ARHGAP32: variants seen among roughly 807,000 people sequenced by gnomAD.
ARHGAP32 encodes rho GTPase-activating protein 32.
In ARHGAP32, 51 loss-of-function variants were observed where a neutral mutation model predicts 186.5. That is an observed-to-expected ratio of 0.27 (90% CI 0.22 to 0.35). ARHGAP32 has a LOEUF of 0.35. Among genes scored for constraint, ARHGAP32 ranks in the 10% least tolerant of loss-of-function variants. The probability of loss-of-function intolerance (pLI) is 1.00; values close to 1 mark genes in which losing one functional copy is unlikely to be tolerated. For missense variants in ARHGAP32, 2,186 were observed against 2,623.5 expected (o/e 0.83, Z 3.64); for synonymous variants, 950 against 964.3 (o/e 0.99, Z 0.27).
At chr11:129,051,726 G>C (rs2135083006) in intron 10 of ARHGAP32, among the ~76,000 whole-genome samples, 1 of 152,192 alleles carries the variant, frequency 6.6e-6, no homozygotes, top group Non-Finnish European at 1.5e-5. Flanking sequence ...GGAGGCTGAG[G>C]CAGGCAGATC....
At chr11:129,034,698 T>C (rs1325435779) in intron 11 of ARHGAP32, among the ~76,000 whole-genome samples, 3 of 122,642 alleles carry the variant, frequency 2.4e-5, no homozygotes, top group Non-Finnish European at 4.9e-5. Context: ...AACTTGATGA[T>C]AGGACAACAG....
chr11:129,221,395 A>T (rs1322719318), intron 1 of ARHGAP32, among the ~76,000 whole-genome samples: 2 of 151,852 alleles, frequency 1.3e-5, no homozygotes, highest in African/African-American at 4.8e-5. Context: ...CTTCTAAAGG[A>T]AGGGGTGGGC....
chr11:129,153,129 C>T (rs535286972), intron 2 of ARHGAP32, among the ~76,000 whole-genome samples: 1 of 148,580 alleles, frequency 6.7e-6, no homozygotes, highest in African/African-American at 2.5e-5. Context: ...AACTCAATCC[C>T]TTTTACAACA....
chr11:129,182,080 A>G (rs1036454604), intron 1 of ARHGAP32, among the ~76,000 whole-genome samples: 6 of 152,162 alleles, frequency 3.9e-5, no homozygotes, highest in African/African-American at 1.4e-4. Flanking sequence ...GAGACTTTCC[A>G]TATCAATACA....
chr11:129,041,493 A>C (rs1224867307), intron 10 of ARHGAP32, among the ~76,000 whole-genome samples: 2 of 17,600 alleles, frequency 1.1e-4, no homozygotes, highest in Non-Finnish European at 7.1e-4. Flanking sequence ...CAGGTTTCAT[A>C]AAAAAAAAAA....
intron 2 of ARHGAP32, among the ~76,000 whole-genome samples, chr11:129,134,448 A>G (rs914418786): frequency 6.6e-6 from 1 of 152,240 alleles, no homozygotes; most frequent in African/African-American, 2.4e-5. Flanking sequence ...AAGAATTCAC[A>G]AACTCAGAAT....
At chr11:128,997,501 T>C (rs493912) in intron 12 of ARHGAP32, among the ~76,000 whole-genome samples, 97,740 of 152,002 alleles carry the variant, frequency 0.64, 31,747 homozygotes, top group Middle Eastern at 0.71. Flanking sequence ...TGGAATTTCA[T>C]AATCACCTAT....
chr11:129,266,689 C>A (rs1347178657), intron 1 of ARHGAP32, among the ~76,000 whole-genome samples: 1 of 152,154 alleles, frequency 6.6e-6, no homozygotes, highest in East Asian at 1.9e-4. Flanking sequence ...AACAGTACTG[C>A]TTAGACCTAA....
chr11:129,206,611 C>T (rs957998516), intron 1 of ARHGAP32, among the ~76,000 whole-genome samples: 1 of 152,082 alleles, frequency 6.6e-6, no homozygotes, highest in Admixed American at 6.6e-5. Flanking sequence ...TTAAAGTTTC[C>T]CCTTCCTCCA....
intron 1 of ARHGAP32, among the ~76,000 whole-genome samples, chr11:129,262,970 C>T (rs929946813): frequency 2.0e-5 from 3 of 152,108 alleles, no homozygotes; most frequent in African/African-American, 4.8e-5. Context: ...TGATTTTCTA[C>T]AGGAGTGTGA....
At chr11:129,109,737 T>C (rs1004189616) in intron 5 of ARHGAP32, among the ~76,000 whole-genome samples, 1 of 152,258 alleles carries the variant, frequency 6.6e-6, no homozygotes, top group African/African-American at 2.4e-5. Flanking sequence ...GAGAACTCTA[T>C]TCTTATCCTT....
chr11:129,202,277 C>T (rs1458493362), intron 1 of ARHGAP32, among the ~76,000 whole-genome samples: 21 of 151,996 alleles, frequency 1.4e-4, no homozygotes, highest in Admixed American at 1.4e-3. Flanking sequence ...AAGAAGTTAA[C>T]AGCATGAGTT....
At chr11:129,142,985 T>A (rs1215950678) in intron 2 of ARHGAP32, among the ~76,000 whole-genome samples, 1 of 147,432 alleles carries the variant, frequency 6.8e-6, no homozygotes, top group Non-Finnish European at 1.5e-5. Context: ...ATATCATTTC[T>A]GCTTAAAATA....
chr11:129,246,194 C>A (rs1945094918), intron 1 of ARHGAP32, among the ~76,000 whole-genome samples: 2 of 152,168 alleles, frequency 1.3e-5, no homozygotes, highest in Non-Finnish European at 2.9e-5. Context: ...AGATCAGAAA[C>A]TCATTTAAAG....
At chr11:129,254,088 A>G (rs1282413030) in intron 1 of ARHGAP32, among the ~76,000 whole-genome samples, 3 of 152,124 alleles carry the variant, frequency 2.0e-5, no homozygotes, top group Non-Finnish European at 4.4e-5. Flanking sequence ...ATAGCTTTAG[A>G]TGCCTAACTC....
chr11:129,025,086 T>A (rs754900625), intron 11 of ARHGAP32, among the ~76,000 whole-genome samples: 63 of 152,210 alleles, frequency 4.1e-4, no homozygotes, highest in Non-Finnish European at 8.4e-4. Context: ...TACAAAATAA[T>A]GTTATAGCAC....
chr11:129,067,340 T>A (rs887096280), intron 6 of ARHGAP32, among the ~76,000 whole-genome samples: 3 of 152,126 alleles, frequency 2.0e-5, no homozygotes, highest in African/African-American at 7.2e-5. Flanking sequence ...TTGATATTCA[T>A]ACAGCATCTA....
chr11:129,058,176 GAA>G (rs150926865), intron 10 of ARHGAP32, among the ~76,000 whole-genome samples: 8 of 133,096 alleles, frequency 6.0e-5, no homozygotes, highest in East Asian at 2.2e-4. Context: ...CCCAATAACA[GAA>G]AAAAAAATAT....
chr11:129,217,805 T>C (rs547195301), intron 1 of ARHGAP32, among the ~76,000 whole-genome samples: 1 of 152,320 alleles, frequency 6.6e-6, no homozygotes, highest in South Asian at 2.1e-4. Flanking sequence ...GTCACTGAAG[T>C]CAGCTTTGCA....
Sources: gnomAD v4.1 joint callset for allele counts (sites outside exome capture counted in the v4.1 genomes callset) on GRCh38, gnomAD v4.1.1 for gene constraint, MANE v1.5 for transcripts, NCBI Gene and HGNC (gene_info 2026-07-23, HGNC 2026-07-21) for gene names.